Variants in ZNF484 observed in about 807,000 individuals in gnomAD.
ZNF484 encodes the protein KRAB box containing C2H2 type zinc finger bA526D8.4.
In ZNF484, 11 loss-of-function variants were observed where a neutral mutation model predicts 12.9. The observed-to-expected ratio is 0.85, with a 90% CI of 0.54 to 1.41. The LOEUF is 1.41. Ranked by LOEUF, ZNF484 falls within the 40% of genes most tolerant of loss-of-function variation. ZNF484 has a pLI of 0.00. For missense variants in ZNF484, 807 were observed against 1,007.7 expected, an observed-to-expected ratio of 0.80 and a Z score of 2.70; for synonymous variants, 289 against 334.1, an observed-to-expected ratio of 0.86 and a Z score of 1.47.
At chr9:92,858,481 G>A (rs1254444514) in intron 2 of ZNF484, among the ~76,000 whole-genome samples, 1 of 152,108 alleles carries the variant, frequency 6.6e-6, no homozygotes, top group African/African-American at 2.4e-5. Flanking sequence ...GGCTATGAAT[G>A]TCATCAACCC....
chr9:92,852,514 GCCACCAC>G (rs1856159467), intron 4 of ZNF484, among the ~76,000 whole-genome samples: 1 of 141,474 alleles, frequency 7.1e-6, no homozygotes, highest in Admixed American at 7.3e-5. Flanking sequence ...ACAGGCGTGA[GCCACCAC>G]GCCCAGCCTT....
chr9:92,862,155 GAGAA>G (rs1856817759), intron 2 of ZNF484: 7 of 972,384 alleles, frequency 7.2e-6, no homozygotes, highest in Non-Finnish European at 8.5e-6. Flanking sequence ...ATTGGTAGTT[GAGAA>G]AGAAGTCTGA....
intron 2 of ZNF484, among the ~76,000 whole-genome samples, chr9:92,861,976 T>G (rs922279653): frequency 2.0e-5 from 3 of 150,982 alleles, no homozygotes; most frequent in Admixed American, 6.6e-5. Flanking sequence ...AAGGGCAATT[T>G]GAACAAGAAT....
At chr9:92,865,405 A>G (rs183841727) in intron 2 of ZNF484, among the ~76,000 whole-genome samples, 4 of 152,388 alleles carry the variant, frequency 2.6e-5, no homozygotes, top group Admixed American at 2.6e-4. Flanking sequence ...AAATTCTGAA[A>G]AACTGTTCAA....
Position 92,848,628 on chromosome 9 carries a change from C to T in ZNF484, c.236-77G>A. 1 of 1,371,436 alleles carries T rather than the reference C, an allele frequency of 7.3e-7. No homozygotes were observed. The allele number at this position is 1,371,436 out of a possible 1,614,324, so 85.0% of individuals were successfully genotyped here. ...TAAGGCCAGGTGCGGTGGCTCATGC[C>T]TGTAATCCTAGCACTTTGGGAGGCT... On this transcript the variant is annotated intron_variant, in intron 4 of 4. Transcript: ENST00000375495. The surrounding 1 kb of genome is among the most constrained non-coding windows in gnomAD (Gnocchi z 4.1).
chr9:92,869,370 A>G (rs372858209), intron 2 of ZNF484, among the ~76,000 whole-genome samples: 1 of 152,198 alleles, frequency 6.6e-6, no homozygotes, highest in East Asian at 1.9e-4. Flanking sequence ...ACTTGTGAAT[A>G]TTGTTAAAAT....
rs376389117 is a variant in ZNF484, at chr9:92,875,047, A to G, written c.-18T>C. The G allele has an allele frequency of 9.9e-6, 16 of 1,613,930 alleles. No individual in the cohort carries two copies. Among genetic ancestry groups the G allele is most frequent in the African/African-American group, 1.3e-5 (1 of 74,930 alleles). ...TTGGTCATTTTTGGCTCTTCGGACA[A>G]AGGGGCAGAAATCTGAGAAAACAGA... On this transcript the variant is annotated 5_prime_UTR_variant, in exon 2 of 5. Transcript: ENST00000375495.
chr9:92,845,020 A>C lies in ZNF484; in HGVS notation c.*1208T>G, dbSNP rs1452671592. On this transcript the variant is annotated 3_prime_UTR_variant, in exon 5 of 5. Coordinates refer to ENST00000375495, the MANE Select transcript of ZNF484 (RefSeq NM_031486.4). The surrounding 1 kb of genome is among the most constrained non-coding windows in gnomAD (Gnocchi z 4.0). ...GTTATAACTTCTCCCCTTGTCCAGA[A>C]ATGTTAGTACTAATTTACATTAGCT... 6.6e-6 allele frequency: 1 copy of C among 152,204 alleles called. No homozygotes were observed. The highest frequency in any genetic ancestry group is 1.5e-5 in the Non-Finnish European group (1 of 68,012). 9.4% of individuals were successfully genotyped at this position (152,204 alleles called of 1,614,324 possible). A position where few individuals can be genotyped will look rare whatever the true frequency, so the allele number is the denominator to read the frequency against.
intron 4 of ZNF484, among the ~76,000 whole-genome samples, chr9:92,852,708 C>G (rs970898309): frequency 3.3e-5 from 5 of 151,696 alleles, no homozygotes; most frequent in African/African-American, 1.2e-4. Context: ...GGCTAATTTT[C>G]ATACTTTTAG....
chr9:92,874,112 C>G (rs537248529), intron 2 of ZNF484, among the ~76,000 whole-genome samples: 1 of 152,124 alleles, frequency 6.6e-6, no homozygotes, highest in Admixed American at 6.5e-5. Context: ...CACGATAAAA[C>G]CTCAAGGTTG....
At chr9:92,876,427 T>G (rs1378634474) in intron 1 of ZNF484, among the ~76,000 whole-genome samples, 1 of 152,022 alleles carries the variant, frequency 6.6e-6, no homozygotes, top group Non-Finnish European at 1.5e-5. Context: ...GACTATAAAT[T>G]GGATTTGAAA....
chr9:92,855,743 G>A, intron 4 of ZNF484, 68 bp downstream of exon 4: 1 of 1,473,808 alleles, frequency 6.8e-7, no homozygotes, highest in Non-Finnish European at 9.4e-7. Context: ...GCAAAGTTGG[G>A]CACAGCTTCT....
Position 92,845,571 on chromosome 9 carries a change from A to T in ZNF484, c.*657T>A, listed in dbSNP as rs1252582544. 6.6e-6 allele frequency: 1 copy of T among 152,210 alleles called. No homozygotes were observed. The highest frequency in any genetic ancestry group is 6.5e-5 in the Admixed American group (1 of 15,272). 9.4% of individuals were successfully genotyped at this position (152,210 alleles called of 1,614,324 possible). On this transcript the variant is annotated 3_prime_UTR_variant, in exon 5 of 5. Transcript: ENST00000375495. The surrounding 1 kb of genome is among the most constrained non-coding windows in gnomAD (Gnocchi z 4.0). ...TTTCAAACAGGAGTTGGTAACAACA[A>T]CATCAAAAAAGTGCAGGTTTCTGTG...
intron 2 of ZNF484, among the ~76,000 whole-genome samples, chr9:92,858,718 T>C (rs886288097): frequency 3.9e-5 from 6 of 152,098 alleles, no homozygotes; most frequent in Non-Finnish European, 7.3e-5. Flanking sequence ...TGTTTTAATA[T>C]CTGGGGTAAC....
chr9:92,847,022 A>T lies in ZNF484; in HGVS notation c.1765T>A (p.Phe589Ile). 6.2e-7 allele frequency: 1 copy of T among 1,614,054 alleles called. No homozygotes were observed. The highest frequency in any genetic ancestry group is 8.5e-7 in the Non-Finnish European group (1 of 1,179,990). ...PYVCTECGKA[F>I]FHKSHFITHE... ...GTAATAAAATGGGATTTGTGGAAGA[A>T]GGCCTTACCACATTCAGTGCAAACA... Residue 589 changes from phenylalanine to isoleucine, a missense_variant, in exon 5 of 5, where the codon TTC (phenylalanine) becomes ATC (isoleucine). By Grantham distance (21) the Phe-to-Ile change is conservative. Coordinates refer to ENST00000375495, the MANE Select transcript of ZNF484 (RefSeq NM_031486.4).
chr9:92,867,207 A>G (rs1412616823), intron 2 of ZNF484, among the ~76,000 whole-genome samples: 1 of 152,086 alleles, frequency 6.6e-6, no homozygotes, highest in African/African-American at 2.4e-5. Flanking sequence ...AGCCGGGCAC[A>G]GTGGCTCAAG....
intron 2 of ZNF484, among the ~76,000 whole-genome samples, chr9:92,873,668 G>T (rs1448050243): frequency 6.6e-6 from 1 of 152,158 alleles, no homozygotes; most frequent in African/African-American, 2.4e-5. Flanking sequence ...CCAGTTTATT[G>T]TGTGAGGCTA....
chr9:92,853,188 A>T (rs1438274761), intron 4 of ZNF484, among the ~76,000 whole-genome samples: 5 of 152,270 alleles, frequency 3.3e-5, no homozygotes, highest in Non-Finnish European at 5.9e-5. Context: ...GATTAGAATA[A>T]TCTAGGCATG....
At chr9:92,852,597 C>T (rs1027020626) in intron 4 of ZNF484, among the ~76,000 whole-genome samples, 66 of 126,286 alleles carry the variant, frequency 5.2e-4, no homozygotes, top group Non-Finnish European at 2.2e-4. Context: ...AGTACAGTGG[C>T]GCGGTCTCAG....
Sources: gnomAD v4.1 joint callset for allele counts (sites outside exome capture counted in the v4.1 genomes callset) on GRCh38, gnomAD v4.1.1 for gene constraint, Gnocchi (gnomAD v3.1) non-coding constraint, MANE v1.5 for transcripts, NCBI Gene and HGNC (gene_info 2026-07-23, HGNC 2026-07-21) for gene names.